The following ANO3 variants were observed in gnomAD, a reference collection of about 807,000 sequenced individuals.
ANO3 encodes anoctamin 3.
Under a neutral mutation model 144.8 loss-of-function variants are expected in ANO3, and 99 were observed. The ratio of observed to expected loss-of-function variants is 0.68; its 90% CI spans 0.58 to 0.81. The LOEUF (loss-of-function observed/expected upper bound fraction) is 0.81, where lower values mean the gene tolerates loss of function less well. ANO3 is among the 30% of genes least tolerant of loss of function. The pLI is 0.00. For missense variants in ANO3, 905 were observed against 1,202.2 expected (o/e 0.75, Z 3.66); for synonymous variants, 414 against 392.6 (o/e 1.05, Z -0.64).
At chr11:26,442,652 T>A (rs1204835836) in intron 2 of ANO3, among the ~76,000 whole-genome samples, 1 of 152,146 alleles carries the variant, frequency 6.6e-6, no homozygotes, top group African/African-American at 2.4e-5. Flanking sequence ...TAGGCACTCT[T>A]CTACACACAT....
intron 1 of ANO3, among the ~76,000 whole-genome samples, chr11:26,262,937 G>A (rs111536379): frequency 2.6e-5 from 4 of 152,254 alleles, no homozygotes; most frequent in African/African-American, 9.6e-5. Flanking sequence ...TGTGGTAATA[G>A]CCCTAAATAC....
intron 1 of ANO3, among the ~76,000 whole-genome samples, chr11:26,434,791 G>T (rs2134014383): frequency 6.6e-6 from 1 of 152,252 alleles, no homozygotes; most frequent in South Asian, 2.1e-4. Flanking sequence ...CCAAGAGTGT[G>T]TTTGGTATCA....
intron 17 of ANO3, among the ~76,000 whole-genome samples, chr11:26,614,150 G>A (rs1161454641): frequency 2.6e-5 from 4 of 152,180 alleles, no homozygotes; most frequent in African/African-American, 9.7e-5. Context: ...GGGGATGGGG[G>A]CTAGGCAGGT....
At position 26,534,804 on chromosome 11, in the gene ANO3, A is replaced by C. The variant is rs573980765; in HGVS notation, c.976+242A>C. On this transcript the variant is annotated intron_variant, in intron 9 of 26. Coordinates refer to ENST00000256737, the MANE Select transcript of ANO3 (RefSeq NM_031418.4). ...TGTGAAAACACTTTGAAACAGAAAT[A>C]TTATTTCTTGAAATTTATCCCCCTC... Among the ~76,000 whole-genome samples the C allele has an allele frequency of 2.0e-5, 3 of 152,300 alleles. No individual in the cohort carries two copies. The South Asian group carries it at 6.2e-4, about 32-fold the overall frequency.
intron 1 of ANO3, among the ~76,000 whole-genome samples, chr11:26,220,869 G>T (rs909309447): frequency 6.6e-6 from 1 of 152,174 alleles, no homozygotes; most frequent in Non-Finnish European, 1.5e-5. Flanking sequence ...ATATCCATCA[G>T]CTTTCAAAGG....
rs144139097 is a variant in ANO3, at chr11:26,252,272, A to C, written c.155-57373A>C. On this transcript the variant is annotated intron_variant, in intron 1 of 27. Transcript: ENST00000672621. ...AAAATACACAAACGCATCATAAGAA[A>C]AGTAATCCTAGTGATACTGTCATGC... Among the ~76,000 whole-genome samples the C allele has an allele frequency of 7.9e-3, 1,200 of 152,342 alleles. 13 individuals carry two copies. Among genetic ancestry groups the C allele is most frequent in the African/African-American group, 0.027 (1,120 of 41,590 alleles).
intron 4 of ANO3, among the ~76,000 whole-genome samples, chr11:26,488,670 T>A (rs1002396484): frequency 2.6e-5 from 4 of 152,156 alleles, no homozygotes; most frequent in Admixed American, 2.0e-4. Flanking sequence ...CCCAGTGGGT[T>A]CATGGTCTCA....
At position 26,332,193 on chromosome 11, in the gene ANO3, T is replaced by A. The variant is rs1235936505; in HGVS notation, c.-83T>A. On this transcript the variant is annotated 5_prime_UTR_variant, in exon 1 of 27. It adds an upstream start codon to the 5' untranslated region. Transcript: ENST00000256737. The stretch of plus-strand genomic sequence containing the variant: ...AGTGCGCTCGCTGAGGCTCCGGACC[T>A]TGGAGCGTCTAGAGTCTGGCTACTG... 2 of 1,612,850 alleles carry A rather than the reference T, an allele frequency of 1.2e-6. No homozygotes were observed. The highest frequency in any genetic ancestry group is 1.7e-4 in the Middle Eastern group (1 of 5,936).
chr11:26,440,097 T>C (rs1398328063), intron 1 of ANO3, among the ~76,000 whole-genome samples: 1 of 152,132 alleles, frequency 6.6e-6, no homozygotes, highest in Non-Finnish European at 1.5e-5. Context: ...GGGTGGTTCA[T>C]GGTTTTATTC....
intron 11 of ANO3, among the ~76,000 whole-genome samples, chr11:26,545,728 CAG>C (rs1849770150): frequency 7.1e-6 from 1 of 141,058 alleles, no homozygotes; most frequent in Non-Finnish European, 1.6e-5. Flanking sequence ...AAAAAAAAAA[CAG>C]ATAAAAACAG....
In ANO3 at chr11:26,598,788, A is replaced by G. The variant is rs533182707; in HGVS notation, c.1531-70A>G. ...AGTAGGCCAAATTTAGGAGTATCGT[A>G]TCAATTCTTGGGGGTATGTTTTTTT... is the stretch of plus-strand genomic sequence containing the variant. On this transcript the variant is annotated intron_variant, in intron 15 of 26. Coordinates refer to ENST00000256737, the MANE Select transcript of ANO3 (RefSeq NM_031418.4). 8.7e-6 allele frequency: 13 copies of G among 1,501,836 alleles called. No homozygotes were observed. In the East Asian group the frequency reaches 1.9e-4, roughly 21 times the overall value. The allele number at this position is 1,501,836 out of a possible 1,614,324, so 93.0% of individuals were successfully genotyped here.
intron 1 of ANO3, among the ~76,000 whole-genome samples, chr11:26,284,833 A>T (rs544426735): frequency 3.9e-4 from 59 of 152,276 alleles, no homozygotes; most frequent in African/African-American, 1.4e-3. Flanking sequence ...TGAACCTGGG[A>T]GGCGGAGCCT....
chr11:26,367,612 A>G (rs1454807148), intron 1 of ANO3, among the ~76,000 whole-genome samples: 1 of 152,156 alleles, frequency 6.6e-6, no homozygotes, highest in East Asian at 1.9e-4. Context: ...ACTCCTCAGT[A>G]CCAAATTTCT....
rs532462708 is a variant in ANO3, at chr11:26,535,622, G to A, written c.976+1060G>A. 3.7e-5 allele frequency among the ~76,000 whole-genome samples: 4 copies of A among 109,446 alleles called. No homozygotes were observed. In the East Asian group the frequency reaches 9.6e-4, roughly 26 times the overall value. The allele number at this position is 109,446 out of a possible 152,430, so 71.8% of individuals were successfully genotyped here. A position where few individuals can be genotyped will look rare whatever the true frequency, so the allele number is the denominator to read the frequency against. ...TTTTCAGATGGAGTCTTGCTCTGTC[G>A]CCCAGGCTGGAGTGCAGTGGCACGA... On this transcript the variant is annotated intron_variant, in intron 9 of 26. Transcript: ENST00000256737.
chr11:26,546,984 G>A (rs1185259621), intron 11 of ANO3, among the ~76,000 whole-genome samples: 1 of 151,850 alleles, frequency 6.6e-6, no homozygotes, highest in African/African-American at 2.4e-5. Context: ...TAGCATAAGG[G>A]TGTCTGGTGA....
chr11:26,281,927 G>A (rs7930530), intron 1 of ANO3, among the ~76,000 whole-genome samples: 34,265 of 151,956 alleles, frequency 0.23, 4,847 homozygotes, highest in African/African-American at 0.41. Flanking sequence ...CATGCAGTTC[G>A]TCTATACAAC....
At chr11:26,261,821 A>T (rs1322698421) in intron 1 of ANO3, among the ~76,000 whole-genome samples, 1 of 152,246 alleles carries the variant, frequency 6.6e-6, no homozygotes, top group Non-Finnish European at 1.5e-5. Flanking sequence ...TTATCAAATA[A>T]GTTTGACATA....
At chr11:26,551,494 AT>A (rs1044441610) in intron 12 of ANO3, among the ~76,000 whole-genome samples, 1 of 151,988 alleles carries the variant, frequency 6.6e-6, no homozygotes, top group Non-Finnish European at 1.5e-5. Context: ...ATCAAGTTGA[AT>A]GTTGAGTAAC....
At chr11:26,646,646 CTTTT>C (rs1853354242) in intron 23 of ANO3, among the ~76,000 whole-genome samples, 1 of 151,862 alleles carries the variant, frequency 6.6e-6, no homozygotes, top group South Asian at 2.1e-4. Context: ...ATTTAAACTT[CTTTT>C]TATCAGTTAC....
Sources: allele counts gnomAD v4.1 joint callset (sites outside exome capture counted in the v4.1 genomes callset), GRCh38; gene constraint gnomAD v4.1.1; transcripts MANE v1.5; gene names NCBI Gene and HGNC (gene_info 2026-07-23, HGNC 2026-07-21).